The following ITPKB variants were observed in gnomAD, a reference collection of about 807,000 sequenced individuals.
ITPKB encodes the protein inositol-trisphosphate 3-kinase B.
In ITPKB, 13 loss-of-function variants were observed where a neutral mutation model predicts 69.4. The observed-to-expected ratio is 0.19, with a 90% confidence interval of 0.12 to 0.30. ITPKB has a LOEUF of 0.30. Ranked by LOEUF, ITPKB falls within the 10% of genes least tolerant of loss-of-function variation. The pLI is 1.00. For synonymous variants in ITPKB, 584 were observed against 513.7 expected, an observed-to-expected ratio of 1.14 and a Z score of -1.85; for missense variants, 1,240 against 1,250.5, an observed-to-expected ratio of 0.99 and a Z score of 0.13.
At chr1:226,685,047 G>A (rs751001146) in intron 2 of ITPKB, among the ~76,000 whole-genome samples, 19 of 152,208 alleles carry the variant, frequency 1.2e-4, no homozygotes, top group Admixed American at 2.6e-4. Flanking sequence ...TTGAATGCCT[G>A]AGTAGACATT....
intron 2 of ITPKB, among the ~76,000 whole-genome samples, chr1:226,678,620 T>C (rs569920502): frequency 2.8e-4 from 42 of 152,320 alleles, no homozygotes; most frequent in Admixed American, 2.2e-3. Flanking sequence ...TAGATTAAAA[T>C]GTAAAGTGTC....
chr1:226,724,229 G>T (rs1431143608), intron 2 of ITPKB, among the ~76,000 whole-genome samples: 1 of 151,992 alleles, frequency 6.6e-6, no homozygotes, highest in African/African-American at 2.4e-5. Context: ...GGCTGGCTCG[G>T]GCTCCACACT....
chr1:226,634,986 G>A lies in ITPKB; in HGVS notation c.2626-100C>T. ...TGACCAGGTGGGGAGGCTCGCTCAG[G>A]CCGGACAGTTGGGTGCCTGCAATTC... On this transcript the variant is annotated intron_variant, in intron 7 of 7. Coordinates refer to ENST00000429204, the MANE Select transcript of ITPKB (RefSeq NM_002221.4). The surrounding 1 kb of genome is among the most constrained non-coding windows in gnomAD (Gnocchi z 6.3). 1.2e-6 allele frequency: 1 copy of A among 865,036 alleles called. No homozygotes were observed. 53.6% of individuals were successfully genotyped at this position (865,036 alleles called of 1,614,324 possible). A position where few individuals can be genotyped will look rare whatever the true frequency, so the allele number is the denominator to read the frequency against.
At chr1:226,724,596 G>T (rs942955920) in intron 2 of ITPKB, among the ~76,000 whole-genome samples, 2 of 152,164 alleles carry the variant, frequency 1.3e-5, no homozygotes, top group Non-Finnish European at 2.9e-5. Flanking sequence ...CACAGATGAT[G>T]CAACTGAGGA....
At chr1:226,688,042 A>C (rs1330712368) in intron 2 of ITPKB, among the ~76,000 whole-genome samples, 1 of 152,218 alleles carries the variant, frequency 6.6e-6, no homozygotes, top group Non-Finnish European at 1.5e-5. Flanking sequence ...CCTTAGGAGA[A>C]ATACACCCAA....
chr1:226,671,305 C>T (rs547519862), intron 2 of ITPKB, among the ~76,000 whole-genome samples: 1 of 152,162 alleles, frequency 6.6e-6, no homozygotes, highest in African/African-American at 2.4e-5. Flanking sequence ...TGTGGGAAAC[C>T]CTTCCACAAA....
At chr1:226,665,671 C>T (rs974369508) in intron 2 of ITPKB, among the ~76,000 whole-genome samples, 6 of 152,196 alleles carry the variant, frequency 3.9e-5, no homozygotes, top group African/African-American at 7.2e-5. Context: ...CCACCCAGCC[C>T]CACCAACCTG....
chr1:226,700,549 T>C (rs1306394191), intron 2 of ITPKB, among the ~76,000 whole-genome samples: 1 of 142,000 alleles, frequency 7.0e-6, no homozygotes, highest in Non-Finnish European at 1.5e-5. Flanking sequence ...GTATTAACCA[T>C]CATCACAGCT....
At chr1:226,714,237 T>C (rs1181297259) in intron 2 of ITPKB, among the ~76,000 whole-genome samples, 1 of 152,232 alleles carries the variant, frequency 6.6e-6, no homozygotes, top group African/African-American at 2.4e-5. Flanking sequence ...GTGTTGCTTG[T>C]CTGGAATGTA....
chr1:226,720,248 G>A (rs1046736058), intron 2 of ITPKB, among the ~76,000 whole-genome samples: 14 of 152,152 alleles, frequency 9.2e-5, no homozygotes, highest in Non-Finnish European at 1.5e-4. Context: ...GTATTTCCAC[G>A]GCAACAACCA....
rs144978072 is a variant in ITPKB, at chr1:226,736,650, G to A, written c.809C>T (p.Pro270Leu). The part of the protein sequence containing the change: ...GIPASPRCGS[P>L]TAMEIDKRGS... Reference sequence around the variant, plus strand: ...CCTTTTGTCAATTTCCATAGCTGTGGGTGAGCCACAGCGGGGACTGGCAGG... The same window carrying A: ...CCTTTTGTCAATTTCCATAGCTGTGAGTGAGCCACAGCGGGGACTGGCAGG... The change falls in exon 2 of 8, where the codon CCC (proline) becomes CTC (leucine). Residue 270 changes from proline (P) to leucine (L), a missense_variant. By Grantham distance (98) the Pro-to-Leu change is moderately conservative. Transcript: ENST00000429204. 3.1e-6 allele frequency: 5 copies of A among 1,613,374 alleles called. No individual in the cohort carries two copies. Among genetic ancestry groups the A allele is most frequent in the African/African-American group, 1.3e-5 (1 of 74,944 alleles).
rs1331400247 is a variant in ITPKB, at chr1:226,642,305, C to A, written c.2247-180G>T. On this transcript the variant is annotated intron_variant, in intron 4 of 7. Coordinates refer to ENST00000429204, the MANE Select transcript of ITPKB (RefSeq NM_002221.4). The surrounding 1 kb of genome is among the most constrained non-coding windows in gnomAD (Gnocchi z 6.4). ...ACGGCAGACTCTGTTCCAGCTGGGG[C>A]TGGCTCTAATTTTTCTTTTCTTTTT... 1.3e-5 allele frequency among the ~76,000 whole-genome samples: 2 copies of A among 152,124 alleles called. No individual in the cohort carries two copies. Among genetic ancestry groups the A allele is most frequent in the Non-Finnish European group, 2.9e-5 (2 of 68,004 alleles).
chr1:226,651,091 G>A (rs556920576), intron 2 of ITPKB, among the ~76,000 whole-genome samples: 5 of 152,330 alleles, frequency 3.3e-5, no homozygotes, highest in South Asian at 4.1e-4. Context: ...GGGAGCTTAC[G>A]GAGGCTGCAC....
intron 2 of ITPKB, among the ~76,000 whole-genome samples, chr1:226,662,723 C>G (rs1244939604): frequency 6.6e-6 from 1 of 152,180 alleles, no homozygotes; most frequent in Non-Finnish European, 1.5e-5. Context: ...ACTTGAATAC[C>G]ACATGACGGC....
intron 2 of ITPKB, among the ~76,000 whole-genome samples, chr1:226,732,387 C>T (rs1185413755): frequency 6.6e-6 from 1 of 152,012 alleles, no homozygotes; most frequent in Non-Finnish European, 1.5e-5. Flanking sequence ...TACAGGCGCC[C>T]GCGACCACGC....
At chr1:226,703,538 G>A (rs1656726201) in intron 2 of ITPKB, among the ~76,000 whole-genome samples, 1 of 151,976 alleles carries the variant, frequency 6.6e-6, no homozygotes, top group Non-Finnish European at 1.5e-5. Flanking sequence ...CGCTCTGCCC[G>A]CCGCCCACGC....
At position 226,736,960 on chromosome 1, in the gene ITPKB, G is replaced by A. The variant is rs779183289; in HGVS notation, c.499C>T (p.Pro167Ser). The A allele has an allele frequency of 1.2e-6, 2 of 1,612,018 alleles. No homozygotes were observed. The highest frequency in any genetic ancestry group is 1.7e-5 in the Admixed American group (1 of 60,004). The change falls in exon 2 of 8, where the codon CCG (proline) becomes TCG (serine). Residue 167 changes from proline to serine, a missense_variant. By Grantham distance (74) the Pro-to-Ser change is moderately conservative. Transcript: ENST00000429204. ...QSSAIQAPRS[P>S]RLGRARSPSP... is the part of the protein sequence containing the mutation. ...GGCGAGCGAGCCCTGCCCAAACGCGGGCTGCGGGGCGCTTGAATGGCGGAG... is the reference window on the plus strand; with the variant it reads ...GGCGAGCGAGCCCTGCCCAAACGCGAGCTGCGGGGCGCTTGAATGGCGGAG...
intron 2 of ITPKB, among the ~76,000 whole-genome samples, chr1:226,695,390 T>C (rs1303442861): frequency 6.6e-6 from 1 of 152,228 alleles, no homozygotes; most frequent in African/African-American, 2.4e-5. Flanking sequence ...AATAAATCAA[T>C]TGTGCAAAGT....
chr1:226,650,740 G>A (rs1037966185), intron 2 of ITPKB, among the ~76,000 whole-genome samples: 1 of 152,212 alleles, frequency 6.6e-6, no homozygotes, highest in African/African-American at 2.4e-5. Context: ...GGAGCCCAGA[G>A]TGTCTCAATC....
Sources: gnomAD v4.1 joint callset for allele counts (sites outside exome capture counted in the v4.1 genomes callset) on GRCh38, gnomAD v4.1.1 for gene constraint, Gnocchi (gnomAD v3.1) non-coding constraint, MANE v1.5 for transcripts, NCBI Gene and HGNC (gene_info 2026-07-23, HGNC 2026-07-21) for gene names.